SLC16A7: variants seen among roughly 807,000 people sequenced by gnomAD.
The protein encoded by SLC16A7 is solute carrier family 16 member 7.
SLC16A7 carries 33 observed loss-of-function variants against 34.9 expected under a neutral mutation model. The observed-to-expected ratio is 0.94, with a 90% CI of 0.72 to 1.26. SLC16A7 has a LOEUF of 1.26. Among genes scored for constraint, SLC16A7 ranks in the 50% most tolerant of loss-of-function variants. SLC16A7 has a pLI of 0.00. For missense variants in SLC16A7, 573 were observed against 578.1 expected, an observed-to-expected ratio of 0.99 and a Z score of 0.09; for synonymous variants, 201 against 206.6, an observed-to-expected ratio of 0.97 and a Z score of 0.23.
In SLC16A7 at chr12:59,687,870, C is replaced by A. The variant is rs150648285; in HGVS notation, c.-30-16902C>A. 1.4e-3 allele frequency among the ~76,000 whole-genome samples: 210 copies of A among 152,236 alleles called. 1 individual carries two copies. The highest frequency in any genetic ancestry group is 6.8e-3 in the Middle Eastern group (2 of 294). On this transcript the variant is annotated intron_variant, in intron 2 of 5. Coordinates refer to ENST00000547379, the MANE Select transcript of SLC16A7 (RefSeq NM_001270623.2). ...TGACTTACATTCCATTGGCAAAAGG[C>A]AGTCACATGTCCAAACCTAAAGTCA...
At chr12:59,731,410 G>T (rs561421339) in intron 3 of SLC16A7, among the ~76,000 whole-genome samples, 1 of 152,148 alleles carries the variant, frequency 6.6e-6, no homozygotes, top group Non-Finnish European at 1.5e-5. Flanking sequence ...AAGGTTAAAT[G>T]GTGAAAGATC....
intron 3 of SLC16A7, chr12:59,761,094 A>G: frequency 2.0e-6 from 2 of 1,025,144 alleles, no homozygotes; most frequent in Non-Finnish European, 2.7e-6. Flanking sequence ...TTAATTGAAG[A>G]AGTTACTGCA....
At position 59,638,113 on chromosome 12, in the gene SLC16A7, AT is replaced by A. The variant is rs1291756534; in HGVS notation, c.-129-17038del. 1.2e-3 allele frequency among the ~76,000 whole-genome samples: 187 copies of A among 152,254 alleles called. 6 individuals carry two copies. In the South Asian group the frequency reaches 0.037, roughly 30 times the overall value. On this transcript the variant is annotated intron_variant, in intron 1 of 5. Coordinates refer to ENST00000547379, the MANE Select transcript of SLC16A7 (RefSeq NM_001270623.2). ...TTGTAAGCTGTCTATTCGATAAAGA[AT>A]AGACAGCTGTGTTGAAATGTAACTG...
chr12:59,631,573 T>C (rs1416536060), intron 1 of SLC16A7, among the ~76,000 whole-genome samples: 1 of 152,040 alleles, frequency 6.6e-6, no homozygotes, highest in African/African-American at 2.4e-5. Flanking sequence ...AGGGTACATG[T>C]GCAGGATGTG....
chr12:59,597,711 G>C (rs974459), intron 1 of SLC16A7, among the ~76,000 whole-genome samples: 131,253 of 152,188 alleles, frequency 0.86, 56,786 homozygotes, highest in African/African-American at 0.93. Flanking sequence ...TGACTGAGCA[G>C]ATTACATTTA....
chr12:59,766,655 C>T (rs1406173973), intron 3 of SLC16A7, among the ~76,000 whole-genome samples: 1 of 152,156 alleles, frequency 6.6e-6, no homozygotes, highest in Non-Finnish European at 1.5e-5. Flanking sequence ...GTATGTTGAA[C>T]CAGCCTTGCA....
intron 1 of SLC16A7, among the ~76,000 whole-genome samples, chr12:59,623,337 G>A (rs1294277819): frequency 6.6e-6 from 1 of 151,468 alleles, no homozygotes; most frequent in Non-Finnish European, 1.5e-5. Context: ...CATAATAATA[G>A]GAGTTTTCTC....
chr12:59,631,122 C>A (rs1254323431), intron 1 of SLC16A7, among the ~76,000 whole-genome samples: 2 of 151,864 alleles, frequency 1.3e-5, no homozygotes, highest in African/African-American at 4.8e-5. Flanking sequence ...ATTTGGTATC[C>A]TGAAGAGTTT....
intron 1 of SLC16A7, among the ~76,000 whole-genome samples, chr12:59,645,531 T>C (rs1880871069): frequency 6.6e-6 from 1 of 152,152 alleles, no homozygotes; most frequent in African/African-American, 2.4e-5. Flanking sequence ...TCTACCATGA[T>C]TGTAAGCTTC....
At chr12:59,614,355 C>T (rs914643249) in intron 1 of SLC16A7, among the ~76,000 whole-genome samples, 3 of 152,022 alleles carry the variant, frequency 2.0e-5, no homozygotes, top group African/African-American at 7.2e-5. Flanking sequence ...TTTTTACATG[C>T]ACTGTATTGG....
intron 3 of SLC16A7, among the ~76,000 whole-genome samples, chr12:59,726,860 A>G (rs1001466659): frequency 2.0e-5 from 3 of 152,106 alleles, no homozygotes; most frequent in Non-Finnish European, 4.4e-5. Flanking sequence ...TATGGGAAAC[A>G]ATACTTGAAA....
rs1276592028 is a variant in SLC16A7, at chr12:59,705,016, G to A, written c.215G>A (p.Gly72Glu). The stretch of plus-strand genomic sequence containing the variant: ...ATTATGCTGGCTGTTATGTACGCAG[G>A]AGGTAAGCTTCTTGCAATAAATAGA... Reference protein sequence around the residue: ...SSIMLAVMYAGGPVSSVLVNK... With the variant: ...SSIMLAVMYAEGPVSSVLVNK... Residue 72 changes from glycine to glutamate, a missense_variant and splice_region_variant, in exon 3 of 6, where the codon GGA becomes GAA. By Grantham distance (98) the Gly-to-Glu change is moderately conservative. Transcript: ENST00000547379. 1.9e-6 allele frequency: 3 copies of A among 1,596,460 alleles called. No individual in the cohort carries two copies. In the South Asian group the frequency reaches 3.3e-5, roughly 18 times the overall value.
rs1882615361 is a variant in SLC16A7 at position 59,775,089 on chromosome 12, T to C, written c.794T>C (p.Ile265Thr). The C allele has an allele frequency of 6.2e-7, 1 of 1,614,142 alleles. No homozygotes were observed. Among genetic ancestry groups the C allele is most frequent in the Non-Finnish European group, 8.5e-7 (1 of 1,180,016 alleles). ...ATGTTCCTAGGTTTTTTTGCCCCCA[T>C]TATATTCTTGGCTCCATATGCTAAA... ...VIMFLGFFAP[I>T]IFLAPYAKDQ... The change falls in exon 5 of 6, where the codon ATT becomes ACT. Residue 265 changes from isoleucine to threonine, a missense_variant. Ile to Thr is a moderately conservative substitution (Grantham distance 89). Transcript: ENST00000547379.
rs551490675 is a variant in SLC16A7 at position 59,754,214 on chromosome 12, A to C, written c.218-17005A>C. Among the ~76,000 whole-genome samples the C allele has an allele frequency of 6.6e-5, 10 of 152,302 alleles. No individual in the cohort carries two copies. The South Asian group carries it at 2.1e-3, about 32-fold the overall frequency. On this transcript the variant is annotated intron_variant, in intron 3 of 5. Coordinates refer to ENST00000547379, the MANE Select transcript of SLC16A7 (RefSeq NM_001270623.2). ...TAAAAGAACTAGAAAAGCAAGAGCA[A>C]ATACATTCAAAAGCTAGGAGAAGGC...
chr12:59,741,063 G>A (rs919021464), intron 3 of SLC16A7, among the ~76,000 whole-genome samples: 1 of 152,054 alleles, frequency 6.6e-6, no homozygotes, highest in Non-Finnish European at 1.5e-5. Context: ...AATAAAAGAG[G>A]ATACAAAGAA....
intron 4 of SLC16A7, 146 bp downstream of exon 4, chr12:59,771,508 T>C (rs1882224920): frequency 4.0e-6 from 2 of 501,306 alleles, no homozygotes; most frequent in Non-Finnish European, 6.6e-6. Flanking sequence ...ATCTAGTACA[T>C]TGAAATTCAA....
At chr12:59,764,832 C>A (rs972924305) in intron 3 of SLC16A7, among the ~76,000 whole-genome samples, 1 of 152,022 alleles carries the variant, frequency 6.6e-6, no homozygotes, top group Non-Finnish European at 1.5e-5. Context: ...ATTTATAATC[C>A]TTTGGGTATA....
intron 2 of SLC16A7, among the ~76,000 whole-genome samples, chr12:59,659,867 A>G (rs1469895373): frequency 6.6e-6 from 1 of 152,110 alleles, no homozygotes; most frequent in Non-Finnish European, 1.5e-5. Context: ...AAAATTCAGC[A>G]ATCAGATGTG....
chr12:59,766,726 GTTTTGCCAGTA>G (rs1881680763), intron 3 of SLC16A7, among the ~76,000 whole-genome samples: 2 of 152,086 alleles, frequency 1.3e-5, no homozygotes, highest in African/African-American at 4.8e-5. Flanking sequence ...TGCTGGATTC[GTTTTGCCAGTA>G]TTTTATTGAG....
Sources: gnomAD v4.1 joint callset for allele counts (sites outside exome capture counted in the v4.1 genomes callset) on GRCh38, gnomAD v4.1.1 for gene constraint, MANE v1.5 for transcripts, NCBI Gene and HGNC (gene_info 2026-07-23, HGNC 2026-07-21) for gene names.